Variants in GABRB1 observed in about 807,000 individuals in gnomAD.
GABRB1 encodes the protein gamma-aminobutyric acid type A receptor subunit beta1, also known as gamma-aminobutyric acid receptor subunit beta-1.
A neutral mutation model predicts 51.6 loss-of-function variants in GABRB1; 17 were observed. The observed-to-expected ratio is 0.33, with a 90% CI of 0.23 to 0.49. The LOEUF (loss-of-function observed/expected upper bound fraction) is 0.49. GABRB1 is among the 20% of genes least tolerant of loss of function. The probability of loss-of-function intolerance (pLI) is 0.99; values close to 1 mark genes in which losing one functional copy is unlikely to be tolerated. For missense variants in GABRB1, 410 were observed against 600.6 expected (o/e 0.68, Z 3.32); for synonymous variants, 247 against 218.9 (o/e 1.13, Z -1.14).
chr4:47,253,853 A>G (rs1722080730), intron 4 of GABRB1, among the ~76,000 whole-genome samples: 1 of 152,232 alleles, frequency 6.6e-6, no homozygotes, highest in South Asian at 2.1e-4. Flanking sequence ...GAAATGTTTC[A>G]TAATGAAATT....
intron 3 of GABRB1, among the ~76,000 whole-genome samples, chr4:47,130,254 G>A (rs1189941754): frequency 6.6e-6 from 1 of 151,664 alleles, no homozygotes; most frequent in Non-Finnish European, 1.5e-5. Context: ...AGTCTTGATT[G>A]GGCTGGCCCC....
At chr4:46,995,434 C>G (rs1185876614) in intron 1 of GABRB1, among the ~76,000 whole-genome samples, 1 of 152,178 alleles carries the variant, frequency 6.6e-6, no homozygotes, top group Admixed American at 6.5e-5. Flanking sequence ...ATCATAGTGA[C>G]TGCAGCCTCT....
intron 4 of GABRB1, among the ~76,000 whole-genome samples, chr4:47,209,264 C>A (rs758786273): frequency 1.3e-5 from 2 of 152,100 alleles, no homozygotes; most frequent in Non-Finnish European, 2.9e-5. Context: ...TGAGCCTTGA[C>A]AGCATTCATT....
At chr4:47,298,104 G>A (rs991046385) in intron 4 of GABRB1, among the ~76,000 whole-genome samples, 1 of 152,066 alleles carries the variant, frequency 6.6e-6, no homozygotes, top group African/African-American at 2.4e-5. Flanking sequence ...AATAATAAGA[G>A]CTATCTATGA....
chr4:47,148,907 G>C (rs1465087594), intron 3 of GABRB1, among the ~76,000 whole-genome samples: 1 of 151,944 alleles, frequency 6.6e-6, no homozygotes, highest in African/African-American at 2.4e-5. Flanking sequence ...TCAGCCTTGG[G>C]CAACAGATAA....
In GABRB1 at chr4:47,000,787, C is replaced by A. The variant is rs146853986; in HGVS notation, c.-20+6861C>A. ...TGGGGTAGTAAGACTTTTTATATGC[C>A]GGCTGGTTTTCCCAAAGTAAGCATT... On this transcript the variant is annotated intron_variant, in intron 1 of 3. Coordinates refer to the GABRB1 transcript ENST00000513567. Among the ~76,000 whole-genome samples the A allele has an allele frequency of 4.6e-3, 694 of 152,240 alleles. 6 individuals carry two copies. The highest frequency in any genetic ancestry group is 0.016 in the African/African-American group (672 of 41,546).
At chr4:47,246,080 C>G (rs186436733) in intron 4 of GABRB1, among the ~76,000 whole-genome samples, 131 of 149,328 alleles carry the variant, frequency 8.8e-4, no homozygotes, top group Non-Finnish European at 1.7e-3. Flanking sequence ...ATTCTCCCCC[C>G]CCAAGTCCCC....
intron 4 of GABRB1, among the ~76,000 whole-genome samples, chr4:47,187,771 A>G (rs537465686): frequency 1.3e-5 from 2 of 152,036 alleles, no homozygotes; most frequent in African/African-American, 4.8e-5. Context: ...TCATTTCCTT[A>G]TAGCTTTATA....
intron 4 of GABRB1, among the ~76,000 whole-genome samples, chr4:47,198,582 G>A (rs982757783): frequency 1.3e-5 from 2 of 152,160 alleles, no homozygotes; most frequent in African/African-American, 4.8e-5. Flanking sequence ...GCTAGTGTGA[G>A]GGCCCAGAAG....
intron 3 of GABRB1, among the ~76,000 whole-genome samples, chr4:47,045,761 C>T (rs1047810366): frequency 6.6e-6 from 1 of 152,000 alleles, no homozygotes. Flanking sequence ...AAGACCTCAC[C>T]TCCAAATGTT....
chr4:47,099,228 C>A (rs371878240), intron 3 of GABRB1, among the ~76,000 whole-genome samples: 1 of 152,106 alleles, frequency 6.6e-6, no homozygotes, highest in Non-Finnish European at 1.5e-5. Flanking sequence ...CACATCAAGA[C>A]GGCAAAGAGT....
intron 4 of GABRB1, among the ~76,000 whole-genome samples, chr4:47,309,894 T>C (rs1724605644): frequency 6.6e-6 from 1 of 152,184 alleles, no homozygotes; most frequent in African/African-American, 2.4e-5. Context: ...TTTTTATTTC[T>C]TTGGAAGCAT....
chr4:47,037,315 A>C (rs62303744), intron 3 of GABRB1, among the ~76,000 whole-genome samples: 6,947 of 152,264 alleles, frequency 0.046, 235 homozygotes, highest in Non-Finnish European at 0.068. Flanking sequence ...TGAGGTTATA[A>C]TAGAATTTCC....
intron 4 of GABRB1, among the ~76,000 whole-genome samples, chr4:47,168,296 A>G (rs1011865220): frequency 2.6e-5 from 4 of 152,144 alleles, no homozygotes; most frequent in African/African-American, 9.7e-5. Context: ...TCAAAAGTAA[A>G]TTTTACTGTC....
At chr4:47,139,691 C>T (rs187818429) in intron 3 of GABRB1, among the ~76,000 whole-genome samples, 23 of 152,106 alleles carry the variant, frequency 1.5e-4, no homozygotes, top group African/African-American at 3.9e-4. Flanking sequence ...TAACCACTAA[C>T]GGAGATAAAT....
chr4:47,413,896 T>TA (rs1444131373), intron 8 of GABRB1, among the ~76,000 whole-genome samples: 1 of 152,250 alleles, frequency 6.6e-6, no homozygotes, highest in Non-Finnish European at 1.5e-5. Context: ...TGTAGATTCA[T>TA]AAGCCCCTCA....
intron 4 of GABRB1, among the ~76,000 whole-genome samples, chr4:47,166,835 C>T (rs1478838203): frequency 6.6e-6 from 1 of 152,120 alleles, no homozygotes; most frequent in Non-Finnish European, 1.5e-5. Flanking sequence ...ACTCCACCAC[C>T]TTTTCCCATC....
intron 3 of GABRB1, among the ~76,000 whole-genome samples, chr4:47,099,781 C>T (rs1176248148): frequency 6.6e-6 from 1 of 151,824 alleles, no homozygotes; most frequent in African/African-American, 2.4e-5. Context: ...GTATTCAAAA[C>T]TGAGACGTAC....
intron 5 of GABRB1, among the ~76,000 whole-genome samples, chr4:47,377,374 T>C (rs1232418935): frequency 7.0e-6 from 1 of 142,746 alleles, no homozygotes; most frequent in Non-Finnish European, 1.5e-5. Context: ...AAAGGCGTCG[T>C]GTCCGGAGTT....
Sources: allele counts gnomAD v4.1 joint callset (sites outside exome capture counted in the v4.1 genomes callset), GRCh38; gene constraint gnomAD v4.1.1; transcripts MANE v1.5; gene names NCBI Gene and HGNC (gene_info 2026-07-23, HGNC 2026-07-21).